The following ZBTB7C variants were observed in gnomAD, a reference collection of about 807,000 sequenced individuals.
The protein encoded by ZBTB7C is zinc finger and BTB domain-containing protein 7C.
Under a neutral mutation model 25.7 loss-of-function variants are expected in ZBTB7C, and 8 were observed. The ratio of observed to expected loss-of-function variants is 0.31; its 90% confidence interval spans 0.18 to 0.56. The LOEUF (loss-of-function observed/expected upper bound fraction) is 0.56, where lower values mean the gene tolerates loss of function less well. Ranked by LOEUF, ZBTB7C falls within the 20% of genes least tolerant of loss-of-function variation. The probability of loss-of-function intolerance (pLI) is 0.91; values close to 1 mark genes in which losing one functional copy is unlikely to be tolerated. For missense variants in ZBTB7C, 824 were observed against 855.2 expected, an observed-to-expected ratio of 0.96 and a Z score of 0.46; for synonymous variants, 394 against 369.0, an observed-to-expected ratio of 1.07 and a Z score of -0.78.
At chr18:48,249,556 GATA>G (rs764188055) in intron 2 of ZBTB7C, among the ~76,000 whole-genome samples, 10 of 152,226 alleles carry the variant, frequency 6.6e-5, no homozygotes, top group Non-Finnish European at 8.8e-5. Flanking sequence ...ATTTAGAAGA[GATA>G]ATAAGTAAAA....
intron 3 of ZBTB7C, among the ~76,000 whole-genome samples, chr18:48,128,612 C>T (rs904835712): frequency 6.6e-6 from 1 of 152,176 alleles, no homozygotes; most frequent in Non-Finnish European, 1.5e-5. Flanking sequence ...GAATGGAAAA[C>T]CAAATTCTGT....
At position 48,338,187 on chromosome 18, in the gene ZBTB7C, A is replaced by G. The variant is rs1284943056; in HGVS notation, c.-92T>C. The G allele has an allele frequency of 6.6e-6, 1 of 152,186 alleles. No individual in the cohort carries two copies. Among genetic ancestry groups the G allele is most frequent in the African/African-American group, 2.4e-5 (1 of 41,432 alleles). 9.4% of individuals were successfully genotyped at this position (152,186 alleles called of 1,614,324 possible). Reference sequence around the variant, plus strand: ...CAGGTTCATTACCTGTCATTACACCATGTACATGTCACCAGGGGCCAAAGC... The same window carrying G: ...CAGGTTCATTACCTGTCATTACACCGTGTACATGTCACCAGGGGCCAAAGC... On this transcript the variant is annotated 5_prime_UTR_variant, in exon 2 of 5. An upstream start codon of the reference 5' UTR is lost. Transcript: ENST00000590800.
intron 2 of ZBTB7C, among the ~76,000 whole-genome samples, chr18:48,219,017 A>G (rs1599125714): frequency 6.6e-6 from 1 of 152,272 alleles, no homozygotes; most frequent in South Asian, 2.1e-4. Flanking sequence ...TTGTCTGCCA[A>G]CCAGCCCCTT....
chr18:48,082,465 C>G (rs2038027235), intron 3 of ZBTB7C, among the ~76,000 whole-genome samples: 2 of 152,174 alleles, frequency 1.3e-5, no homozygotes, highest in Admixed American at 1.3e-4. Flanking sequence ...AGCAGGGAAG[C>G]AACGGGCTCA....
chr18:48,216,800 T>C (rs1401428125), intron 2 of ZBTB7C, among the ~76,000 whole-genome samples: 1 of 152,060 alleles, frequency 6.6e-6, no homozygotes, highest in Non-Finnish European at 1.5e-5. Flanking sequence ...ACCCTCATCA[T>C]TTGTTGTGGG....
chr18:48,123,969 A>G (rs2039715395), intron 3 of ZBTB7C, among the ~76,000 whole-genome samples: 1 of 152,164 alleles, frequency 6.6e-6, no homozygotes, highest in South Asian at 2.1e-4. Context: ...GCCTGGGGAC[A>G]GTGAGATGGT....
At chr18:48,356,909 C>T (rs181185572) in intron 1 of ZBTB7C, among the ~76,000 whole-genome samples, 11 of 152,302 alleles carry the variant, frequency 7.2e-5, no homozygotes, top group Middle Eastern at 6.8e-3. Flanking sequence ...CTCACAGTTC[C>T]TAACACACAT....
intron 4 of ZBTB7C, among the ~76,000 whole-genome samples, chr18:48,035,405 T>C (rs1414224834): frequency 6.6e-6 from 1 of 152,196 alleles, no homozygotes; most frequent in Non-Finnish European, 1.5e-5. Flanking sequence ...AGCCAGGCTG[T>C]GACAGGATGC....
At chr18:48,156,432 T>C (rs2040843084) in intron 3 of ZBTB7C, among the ~76,000 whole-genome samples, 1 of 152,224 alleles carries the variant, frequency 6.6e-6, no homozygotes. Context: ...AAATCCTGCC[T>C]TGTAGGATCT....
At chr18:48,389,189 A>ACTCTCTCT (rs757520664) in intron 1 of ZBTB7C, among the ~76,000 whole-genome samples, 3 of 64,116 alleles carry the variant, frequency 4.7e-5, no homozygotes, top group African/African-American at 1.3e-4. Flanking sequence ...GAGCCCTTTA[A>ACTCTCTCT]CTCTCTCTCT....
At chr18:48,076,753 G>A (rs1191097614) in intron 3 of ZBTB7C, among the ~76,000 whole-genome samples, 1 of 152,160 alleles carries the variant, frequency 6.6e-6, no homozygotes, top group African/African-American at 2.4e-5. Flanking sequence ...TATTATGAGG[G>A]CTCCACAGGG....
At chr18:48,362,146 C>A (rs2047120940) in intron 1 of ZBTB7C, among the ~76,000 whole-genome samples, 1 of 152,224 alleles carries the variant, frequency 6.6e-6, no homozygotes, top group Non-Finnish European at 1.5e-5. Flanking sequence ...GAGGACAAGA[C>A]CTCACTGACA....
At chr18:48,411,246 CCTA>C (rs947066365), upstream of ZBTB7C, among the ~76,000 whole-genome samples, 5 of 147,726 alleles carry the variant, frequency 3.4e-5, no homozygotes, top group Non-Finnish European at 7.6e-5. Context: ...TCTGGTTTTT[CCTA>C]CTAAGTAAAT....
chr18:48,301,323 C>T (rs925883492), intron 2 of ZBTB7C, among the ~76,000 whole-genome samples: 29 of 152,070 alleles, frequency 1.9e-4, no homozygotes, highest in East Asian at 1.4e-3. Context: ...TACAAAAATA[C>T]GAAAAATTAG....
intron 2 of ZBTB7C, among the ~76,000 whole-genome samples, chr18:48,307,751 G>A (rs2045710421): frequency 6.6e-6 from 1 of 152,194 alleles, no homozygotes. Context: ...GGGAGGCCAA[G>A]GAAGGAGAAT....
intron 2 of ZBTB7C, among the ~76,000 whole-genome samples, chr18:48,308,030 G>A (rs951602291): frequency 4.6e-5 from 7 of 152,110 alleles, no homozygotes; most frequent in African/African-American, 1.7e-4. Context: ...ATAAGACCAT[G>A]CCAATCTATC....
intron 3 of ZBTB7C, among the ~76,000 whole-genome samples, chr18:48,167,605 T>TGTGTGTGC (rs199586468): frequency 2.7e-5 from 4 of 149,630 alleles, no homozygotes; most frequent in African/African-American, 9.9e-5. Context: ...TGTGCGCGCG[T>TGTGTGTGC]GCACACGCGC....
intron 3 of ZBTB7C, among the ~76,000 whole-genome samples, chr18:48,117,978 AT>A: frequency 6.7e-6 from 1 of 149,962 alleles, no homozygotes; most frequent in East Asian, 1.9e-4. Context: ...AACAATCATG[AT>A]CAATCTTTTC....
chr18:48,221,978 C>G (rs1021003039), intron 2 of ZBTB7C, among the ~76,000 whole-genome samples: 3 of 151,266 alleles, frequency 2.0e-5, no homozygotes, highest in Admixed American at 2.0e-4. Flanking sequence ...TTATACTATC[C>G]CAGTCTCCTC....
Sources: gnomAD v4.1 joint callset for allele counts (sites outside exome capture counted in the v4.1 genomes callset) on GRCh38, gnomAD v4.1.1 for gene constraint, MANE v1.5 for transcripts, NCBI Gene and HGNC (gene_info 2026-07-23, HGNC 2026-07-21) for gene names.